PPARGC1A: variants seen among roughly 807,000 people sequenced by gnomAD.
The protein encoded by PPARGC1A is peroxisome proliferator-activated receptor gamma coactivator 1-alpha.
A neutral mutation model predicts 88.7 loss-of-function variants in PPARGC1A; 25 were observed. The ratio of observed to expected loss-of-function variants is 0.28; its 90% CI spans 0.21 to 0.39. PPARGC1A has a LOEUF of 0.39. Among genes scored for constraint, PPARGC1A ranks in the 10% least tolerant of loss-of-function variants. The pLI is 1.00. For synonymous variants in PPARGC1A, 363 were observed against 355.6 expected, an observed-to-expected ratio of 1.02 and a Z score of -0.24; for missense variants, 880 against 968.7, an observed-to-expected ratio of 0.91 and a Z score of 1.22.
chr4:24,094,667 G>C, the PPARGC1A span, among the ~76,000 whole-genome samples: 1 of 152,152 alleles, frequency 6.6e-6, no homozygotes, highest in Non-Finnish European at 1.5e-5. Context: ...AATAATAAAT[G>C]TAGCTCTATA....
chr4:24,285,779 G>A, the PPARGC1A span, among the ~76,000 whole-genome samples: 62 of 152,258 alleles, frequency 4.1e-4, no homozygotes, highest in African/African-American at 1.4e-3. Flanking sequence ...GTCATTGGGT[G>A]TACAAACTTT....
At chr4:23,981,261 A>AT in the PPARGC1A span, among the ~76,000 whole-genome samples, 4 of 152,218 alleles carry the variant, frequency 2.6e-5, no homozygotes, top group Admixed American at 6.5e-5. Flanking sequence ...TATATACATT[A>AT]TCTTCAGTCA....
intron 2 of PPARGC1A, among the ~76,000 whole-genome samples, chr4:23,835,496 GT>G (rs1725849608): frequency 6.6e-6 from 1 of 151,626 alleles, no homozygotes; most frequent in African/African-American, 2.4e-5. Flanking sequence ...GTGTGTGTGT[GT>G]GTGTGTGTGT....
chr4:23,946,684 TTTG>T, the PPARGC1A span, among the ~76,000 whole-genome samples: 10 of 152,150 alleles, frequency 6.6e-5, no homozygotes, highest in African/African-American at 1.7e-4. Context: ...TAGCAGATTG[TTTG>T]TTATTTTTTA....
the PPARGC1A span, among the ~76,000 whole-genome samples, chr4:24,179,011 T>C: frequency 6.6e-6 from 1 of 152,028 alleles, no homozygotes; most frequent in Admixed American, 6.6e-5. Context: ...AAAGAGCCAC[T>C]GCTGTTTATG....
chr4:24,173,282 A>T, the PPARGC1A span, among the ~76,000 whole-genome samples: 142,961 of 148,346 alleles, frequency 0.96, 69,095 homozygotes, highest in Non-Finnish European at 1. Context: ...ATCCATATTA[A>T]AAAAGCAAAA....
the PPARGC1A span, among the ~76,000 whole-genome samples, chr4:24,084,858 G>T: frequency 1.3e-5 from 2 of 152,186 alleles, no homozygotes; most frequent in Admixed American, 1.3e-4. Context: ...TGCTAGAGAT[G>T]TAACAATAGA....
At chr4:24,350,141 C>T in the PPARGC1A span, among the ~76,000 whole-genome samples, 2 of 152,150 alleles carry the variant, frequency 1.3e-5, no homozygotes, top group South Asian at 2.1e-4. Context: ...GGGGCACTCA[C>T]AATATTTGGG....
the PPARGC1A span, among the ~76,000 whole-genome samples, chr4:24,107,153 G>A: frequency 0.013 from 1,944 of 152,270 alleles, 41 homozygotes; most frequent in African/African-American, 0.039. Flanking sequence ...TAGGAAATTG[G>A]ATAATAAAAG....
chr4:24,155,122 GTT>G, the PPARGC1A span, among the ~76,000 whole-genome samples: 3 of 140,946 alleles, frequency 2.1e-5, no homozygotes, highest in Admixed American at 7.0e-5. Context: ...CCTCGGTTTT[GTT>G]TTTTTTTTTT....
chr4:24,154,561 A>G, the PPARGC1A span, among the ~76,000 whole-genome samples: 1 of 152,182 alleles, frequency 6.6e-6, no homozygotes, highest in Non-Finnish European at 1.5e-5. Context: ...AACCCAATTT[A>G]AGACTTCCTC....
At chr4:24,410,075 T>C in the PPARGC1A span, among the ~76,000 whole-genome samples, 6 of 152,200 alleles carry the variant, frequency 3.9e-5, no homozygotes, top group Non-Finnish European at 2.9e-5. Context: ...TGTAGTGAGT[T>C]TGGAAAAAGC....
chr4:23,894,389 A>C, upstream of PPARGC1A, among the ~76,000 whole-genome samples: 1 of 152,242 alleles, frequency 6.6e-6, no homozygotes. Flanking sequence ...AGAACACAAA[A>C]GTTGGTAGCA....
the PPARGC1A span, among the ~76,000 whole-genome samples, chr4:24,183,647 A>G: frequency 6.6e-6 from 1 of 152,182 alleles, no homozygotes; most frequent in Non-Finnish European, 1.5e-5. Flanking sequence ...CATTCCCATG[A>G]TATAAAATTA....
intron 1 of PPARGC1A, among the ~76,000 whole-genome samples, chr4:23,885,189 T>C (rs1716660618): frequency 6.6e-6 from 1 of 152,222 alleles, no homozygotes; most frequent in African/African-American, 2.4e-5. Context: ...CGAAGCTTTC[T>C]CTGATTCTTC....
chr4:24,148,548 C>T, the PPARGC1A span, among the ~76,000 whole-genome samples: 1 of 152,136 alleles, frequency 6.6e-6, no homozygotes, highest in Non-Finnish European at 1.5e-5. Context: ...GCAACATAGC[C>T]TCTGACCTCA....
chr4:23,833,776 G>T (rs1041502024), intron 2 of PPARGC1A, among the ~76,000 whole-genome samples: 1 of 152,160 alleles, frequency 6.6e-6, no homozygotes, highest in African/African-American at 2.4e-5. Context: ...TACTCCCCAG[G>T]GACTTTAATT....
At chr4:24,250,709 G>A in the PPARGC1A span, among the ~76,000 whole-genome samples, 1 of 152,190 alleles carries the variant, frequency 6.6e-6, no homozygotes, top group Non-Finnish European at 1.5e-5. Context: ...CCATTCAGAA[G>A]TCCAGGTCAG....
intron 10 of PPARGC1A, among the ~76,000 whole-genome samples, chr4:23,808,194 T>G (rs188350638): frequency 7.1e-6 from 1 of 140,726 alleles, no homozygotes; most frequent in Non-Finnish European, 1.5e-5. Context: ...GAGCTTGCAG[T>G]GAGCCAAGAT....
Sources: allele counts gnomAD v4.1 joint callset (sites outside exome capture counted in the v4.1 genomes callset), GRCh38; gene constraint gnomAD v4.1.1; transcripts MANE v1.5; gene names NCBI Gene and HGNC (gene_info 2026-07-23, HGNC 2026-07-21).